Variants in PI16 observed in about 807,000 individuals in gnomAD.
PI16 encodes PSP94-binding protein.
Under a neutral mutation model 38.0 loss-of-function variants are expected in PI16, and 35 were observed. That is an observed-to-expected ratio of 0.92 (90% CI 0.70 to 1.22). The LOEUF (loss-of-function observed/expected upper bound fraction) is 1.22, where lower values mean the gene tolerates loss of function less well. Among genes scored for constraint, PI16 ranks in the 50% most tolerant of loss-of-function variants. The pLI, the probability that PI16 is intolerant of heterozygous loss-of-function variation, is 0.00. For synonymous variants in PI16, 275 were observed against 252.9 expected, an observed-to-expected ratio of 1.09 and a Z score of -0.83; for missense variants, 572 against 593.8, an observed-to-expected ratio of 0.96 and a Z score of 0.38.
intron 5 of PI16, 79 bp downstream of exon 5, chr6:36,963,691 C>T: frequency 6.4e-7 from 1 of 1,555,936 alleles, no homozygotes. Flanking sequence ...GTGGTATGAG[C>T]ATGGTGGGGC....
At chr6:36,949,343 A>G (rs569366142) in intron 1 of PI16, among the ~76,000 whole-genome samples, 2 of 151,306 alleles carry the variant, frequency 1.3e-5, no homozygotes, top group East Asian at 3.9e-4. Context: ...GCTGGTTTCC[A>G]ATTCCTGACC....
chr6:36,963,984 C>T (rs746793364), intron 6 of PI16, 22 bp downstream of exon 6: 3 of 1,592,276 alleles, frequency 1.9e-6, no homozygotes, highest in Non-Finnish European at 2.6e-6. Context: ...TGAGGGGGGC[C>T]CTGGCCTCAT....
In PI16 at chr6:36,963,168, A is replaced by G; in HGVS notation, c.826A>G (p.Met276Val). ...TSLATKDPPS[M>V]ATEAPPCVTT... is the part of the protein sequence containing the mutation. Reference sequence around the variant, plus strand: ...CTTAGCAACGAAAGACCCGCCCTCCATGGCAACAGAGGCTCCACCTTGCGT... The same window carrying G: ...CTTAGCAACGAAAGACCCGCCCTCCGTGGCAACAGAGGCTCCACCTTGCGT... Residue 276 changes from methionine to valine, a missense_variant, in exon 5 of 7, where the codon ATG (methionine) becomes GTG (valine). Coordinates refer to ENST00000373674, the MANE Select transcript of PI16 (RefSeq NM_153370.3). The G allele has an allele frequency of 6.2e-7, 1 of 1,614,208 alleles. No individual in the cohort carries two copies. The highest frequency in any genetic ancestry group is 1.1e-5 in the South Asian group (1 of 91,092).
chr6:36,959,174 C>G lies in PI16; in HGVS notation c.201C>G (p.Ala67=). Reference sequence around the variant, plus strand: ...GGGACGAGGAGCTGGCCGCCTTCGCCAAGGCCTACGCACGGCAGTGCGTGT... The same window carrying G: ...GGGACGAGGAGCTGGCCGCCTTCGCGAAGGCCTACGCACGGCAGTGCGTGT... ...MRWDEELAAF[A]KAYARQCVWG... The change falls in exon 2 of 7, where the codon GCC becomes GCG. Residue 67 remains alanine (A), a synonymous_variant. Coordinates refer to ENST00000373674, the MANE Select transcript of PI16 (RefSeq NM_153370.3). 3.7e-6 allele frequency: 6 copies of G among 1,610,606 alleles called. No homozygotes were observed. The highest frequency in any genetic ancestry group is 5.1e-6 in the Non-Finnish European group (6 of 1,179,086).
intron 1 of PI16, among the ~76,000 whole-genome samples, chr6:36,956,743 T>C (rs1003778701): frequency 3.3e-4 from 51 of 152,282 alleles, no homozygotes; most frequent in Middle Eastern, 3.4e-3. Flanking sequence ...ACAGTGGTTG[T>C]AGGGTTAAGT....
intron 1 of PI16, among the ~76,000 whole-genome samples, chr6:36,957,252 A>G (rs1463625644): frequency 1.3e-5 from 2 of 152,082 alleles, no homozygotes; most frequent in African/African-American, 4.8e-5. Context: ...TGTCACCTGA[A>G]CAGCTTGTCT....
At chr6:36,961,140 T>C (rs1763351999) in intron 2 of PI16, among the ~76,000 whole-genome samples, 1 of 152,202 alleles carries the variant, frequency 6.6e-6, no homozygotes, top group Non-Finnish European at 1.5e-5. Flanking sequence ...GGCCTTTTTT[T>C]CTAGCCCACA....
Position 36,961,477 on chromosome 6 carries a change from C to T in PI16, c.420C>T (p.Ile140=), listed in dbSNP as rs375295122. 3.2e-5 allele frequency: 52 copies of T among 1,614,054 alleles called. No individual in the cohort carries two copies. The highest frequency in any genetic ancestry group is 2.5e-4 in the Admixed American group (15 of 60,006). ...TQVVWAKTER[I]GCGSHFCEKL... is the part of the protein sequence containing the mutation. ...TGGTATGGGCCAAGACAGAGAGGATCGGCTGTGGTTCCCACTTCTGTGAGA... is the reference window on the plus strand; with the variant it reads ...TGGTATGGGCCAAGACAGAGAGGATTGGCTGTGGTTCCCACTTCTGTGAGA... Residue 140 remains isoleucine, a synonymous_variant, in exon 3 of 7, where the codon ATC becomes ATT. Transcript: ENST00000373674.
intron 1 of PI16, among the ~76,000 whole-genome samples, chr6:36,955,717 G>A (rs556942459): frequency 1.3e-5 from 2 of 152,278 alleles, no homozygotes; most frequent in South Asian, 4.1e-4. Flanking sequence ...TTTATGTCCT[G>A]GTGAAACACG....
chr6:36,957,423 T>C (rs1437360445), intron 1 of PI16, among the ~76,000 whole-genome samples: 1 of 152,210 alleles, frequency 6.6e-6, no homozygotes, highest in African/African-American at 2.4e-5. Context: ...CTTTGGTGCC[T>C]CTATAGTACT....
At chr6:36,954,653 A>G, upstream of PI16, 1 of 1,488,452 alleles carries the variant, frequency 6.7e-7, no homozygotes, top group Non-Finnish European at 8.9e-7. Flanking sequence ...CTGGGCCTCA[A>G]ACACGGCCCC....
At chr6:36,953,534 GTA>G (rs1763135752), upstream of PI16, among the ~76,000 whole-genome samples, 12 of 152,168 alleles carry the variant, frequency 7.9e-5, 1 homozygote, top group South Asian at 2.5e-3. Context: ...GTGTGTGTGT[GTA>G]TGTGTGTGTA....
chr6:36,962,000 G>A (rs754315416), intron 4 of PI16, 26 bp downstream of exon 4: 13 of 1,580,960 alleles, frequency 8.2e-6, no homozygotes, highest in Non-Finnish European at 7.0e-6. Context: ...GATGGGTAGG[G>A]GCAGGGGGTG....
At chr6:36,964,069 C>T in intron 6 of PI16, 107 bp downstream of exon 6, 1 of 1,312,372 alleles carries the variant, frequency 7.6e-7, no homozygotes, top group Non-Finnish European at 1.0e-6. Context: ...GCCCAGCAGC[C>T]CCCCTTCACC....
intron 2 of PI16, among the ~76,000 whole-genome samples, 192 bp from the exon 3 acceptor site, chr6:36,961,259 T>G (rs1290514075): frequency 6.6e-6 from 1 of 152,146 alleles, no homozygotes; most frequent in Non-Finnish European, 1.5e-5. Flanking sequence ...GAGTAGACTG[T>G]TAGGGACAAA....
intron 1 of PI16, among the ~76,000 whole-genome samples, chr6:36,948,682 T>TCCCTCCTTCCTC (rs1561891322): frequency 2.4e-3 from 258 of 105,966 alleles, no homozygotes; most frequent in Middle Eastern, 5.2e-3. Flanking sequence ...CCTCCCTCCT[T>TCCCTCCTTCCTC]CCTCCCTCCT....
chr6:36,953,637 TC>T (rs1461620138), upstream of PI16, among the ~76,000 whole-genome samples: 1 of 152,132 alleles, frequency 6.6e-6, no homozygotes, highest in Non-Finnish European at 1.5e-5. Flanking sequence ...GTAGACTTTT[TC>T]TAGGTCCCTA....
chr6:36,961,851 C>A, intron 3 of PI16, 35 bp from the exon 4 acceptor site: 1 of 1,546,254 alleles, frequency 6.5e-7, no homozygotes, highest in Non-Finnish European at 8.9e-7. Context: ...GAGGGGTCGA[C>A]CCCCTCCCCG....
Position 36,962,042 on chromosome 6 carries a change from A to C in PI16, c.592+68A>C. 7.3e-7 allele frequency: 1 copy of C among 1,368,890 alleles called. No homozygotes were observed. Among genetic ancestry groups the C allele is most frequent in the South Asian group, 1.2e-5 (1 of 85,978 alleles). The allele number at this position is 1,368,890 out of a possible 1,614,324, so 84.8% of individuals were successfully genotyped here. On this transcript the variant is annotated intron_variant, in intron 4 of 6. Coordinates refer to ENST00000373674, the MANE Select transcript of PI16 (RefSeq NM_153370.3). This position sits in a 1 kb window ranked among gnomAD's most constrained non-coding sequence, Gnocchi z 4.1. ...TGATGCGATGCAGACTGGATGGTCT[A>C]AGAGCCTCCCTGGACTGAGCGGGAC...
Sources: allele counts gnomAD v4.1 joint callset (sites outside exome capture counted in the v4.1 genomes callset), GRCh38; gene constraint gnomAD v4.1.1; non-coding constraint Gnocchi (gnomAD v3.1); transcripts MANE v1.5; gene names NCBI Gene and HGNC (gene_info 2026-07-23, HGNC 2026-07-21).